Variants in RPS27L observed in about 807,000 individuals in gnomAD.
RPS27L encodes ribosomal protein eS27-like.
Under a neutral mutation model 12.8 loss-of-function variants are expected in RPS27L, and 10 were observed. That is an observed-to-expected ratio of 0.78 (90% confidence interval 0.48 to 1.33). The LOEUF (loss-of-function observed/expected upper bound fraction) is 1.33. Ranked by LOEUF, RPS27L falls within the 40% of genes most tolerant of loss-of-function variation. RPS27L has a pLI of 0.00. For synonymous variants in RPS27L, 26 were observed against 32.3 expected, an observed-to-expected ratio of 0.81 and a Z score of 0.66; for missense variants, 81 against 97.4, an observed-to-expected ratio of 0.83 and a Z score of 0.71.
rs1011549970 is a variant in RPS27L, at chr15:63,148,932, C to T, written c.*5100G>A. The stretch of plus-strand genomic sequence containing the variant: ...GGAGTGCAGTGGTACGATCTGGGCT[C>T]ACTGCAAGCTCCGCCTCCCAGGTTC... On this transcript the variant is annotated 3_prime_UTR_variant, in exon 4 of 4. Coordinates refer to ENST00000330964, the MANE Select transcript of RPS27L (RefSeq NM_015920.4). 3 of 148,138 alleles carry T rather than the reference C, an allele frequency of 2.0e-5. No individual in the cohort carries two copies. Among genetic ancestry groups the T allele is most frequent in the African/African-American group, 7.5e-5 (3 of 39,798 alleles). The allele number at this position is 148,138 out of a possible 1,614,324, so 9.2% of individuals were successfully genotyped here.
At chr15:63,156,731 C>G (rs186266376) in intron 1 of RPS27L, 7 of 611,374 alleles carry the variant, frequency 1.1e-5, no homozygotes, top group Non-Finnish European at 1.7e-5. Context: ...TAGAAAAGGG[C>G]TTTCGCACGA....
chr15:63,157,383 C>G lies in RPS27L; in HGVS notation c.6+17G>C. On this transcript the variant is annotated intron_variant, in intron 1 of 3. Transcript: ENST00000330964. ...AGAAGCCCAAAACAAACCCGGAGCC[C>G]GATGTAAACAACTCACAGGCATGTT... 6.2e-7 allele frequency: 1 copy of G among 1,613,990 alleles called. No individual in the cohort carries two copies. The highest frequency in any genetic ancestry group is 8.5e-7 in the Non-Finnish European group (1 of 1,179,898).
rs2037305008 is a variant in RPS27L at position 63,152,303 on chromosome 15, TTGTG to T, written c.*1725_*1728del. 6.6e-6 allele frequency: 1 copy of T among 152,100 alleles called. No individual in the cohort carries two copies. Among genetic ancestry groups the T allele is most frequent in the Non-Finnish European group, 1.5e-5 (1 of 68,022 alleles). The allele number at this position is 152,100 out of a possible 1,614,324, so 9.4% of individuals were successfully genotyped here. On this transcript the variant is annotated 3_prime_UTR_variant, in exon 4 of 4. Coordinates refer to ENST00000330964, the MANE Select transcript of RPS27L (RefSeq NM_015920.4). The stretch of plus-strand genomic sequence containing the variant: ...AAAAATCATCACATCACTTTTGCTC[TTGTG>T]TGTGTATAGTTTTTTTCAAATGGCT...
chr15:63,156,154 C>G (rs2141086721), intron 2 of RPS27L, among the ~76,000 whole-genome samples: 1 of 152,318 alleles, frequency 6.6e-6, no homozygotes, highest in Non-Finnish European at 1.5e-5. Flanking sequence ...TATCATGAAA[C>G]AGAAAACTCA....
chr15:63,156,768 T>A (rs1429911998), intron 1 of RPS27L: 1 of 590,376 alleles, frequency 1.7e-6, no homozygotes, highest in East Asian at 2.9e-5. Flanking sequence ...AAGGCAAACT[T>A]TGTCCTTCTT....
rs944992728 is a variant in RPS27L at position 63,151,748 on chromosome 15, G to A, written c.*2284C>T. The A allele has an allele frequency of 2.0e-5, 3 of 152,178 alleles. No homozygotes were observed. The highest frequency in any genetic ancestry group is 7.2e-5 in the African/African-American group (3 of 41,426). 9.4% of individuals were successfully genotyped at this position (152,178 alleles called of 1,614,324 possible). A position where few individuals can be genotyped will look rare whatever the true frequency, so the allele number is the denominator to read the frequency against. ...AACACTTGACACTGACGCATCTTTT[G>A]TATAAACTACTAGTTCCAGGAAGTT... On this transcript the variant is annotated 3_prime_UTR_variant, in exon 4 of 4. Transcript: ENST00000330964.
At chr15:63,156,936 A>G (rs913509780) in intron 1 of RPS27L, 2 of 372,480 alleles carry the variant, frequency 5.4e-6, no homozygotes, top group Admixed American at 9.0e-5. Context: ...CTGTGGCTCA[A>G]CAGCTGATCT....
intron 1 of RPS27L, chr15:63,156,835 A>C (rs2037335691): frequency 5.7e-6 from 3 of 528,242 alleles, no homozygotes; most frequent in Non-Finnish European, 9.8e-6. Flanking sequence ...CGAGGTGCTA[A>C]GCAAAGAAAG....
At position 63,149,370 on chromosome 15, in the gene RPS27L, T is replaced by G. The variant is rs2037285412; in HGVS notation, c.*4662A>C. ...CGAGGTCAGCAGATCGAGACCATCC[T>G]GGCTAACACGGTGAAACCCCATCTC... On this transcript the variant is annotated 3_prime_UTR_variant, in exon 4 of 4. Coordinates refer to ENST00000330964, the MANE Select transcript of RPS27L (RefSeq NM_015920.4). The G allele has an allele frequency of 6.6e-6, 1 of 152,050 alleles. No individual in the cohort carries two copies. The highest frequency in any genetic ancestry group is 2.4e-5 in the African/African-American group (1 of 41,402). 9.4% of individuals were successfully genotyped at this position (152,050 alleles called of 1,614,324 possible).
At chr15:63,155,980 T>C (rs1297630239) in intron 2 of RPS27L, among the ~76,000 whole-genome samples, 2 of 152,228 alleles carry the variant, frequency 1.3e-5, no homozygotes, top group Non-Finnish European at 2.9e-5. Flanking sequence ...TTTTTTTCTG[T>C]GCTACATCGT....
In RPS27L at chr15:63,157,436, G is replaced by A; in HGVS notation, c.-31C>T. ...TCCTCTTGCAAGCTCAGCCCTACCA[G>A]ACCTCCCAGCCCACACAGCTAGCAA... On this transcript the variant is annotated 5_prime_UTR_variant, in exon 1 of 4. Coordinates refer to ENST00000330964, the MANE Select transcript of RPS27L (RefSeq NM_015920.4). The A allele has an allele frequency of 1.9e-6, 3 of 1,613,694 alleles. No homozygotes were observed. The highest frequency in any genetic ancestry group is 2.5e-6 in the Non-Finnish European group (3 of 1,179,672).
At chr15:63,156,352 C>G in intron 2 of RPS27L, 61 bp downstream of exon 2, 1 of 845,826 alleles carries the variant, frequency 1.2e-6, no homozygotes, top group Non-Finnish European at 1.9e-6. Context: ...ACTATACACA[C>G]CACACTAGCA....
At chr15:63,155,036 C>T in intron 3 of RPS27L, 1 of 152,066 alleles carries the variant, frequency 6.6e-6, no homozygotes. Context: ...TGCCTGTAAT[C>T]CCAGCACTTT....
Position 63,157,425 on chromosome 15 carries a change from C to G in RPS27L, c.-20G>C, listed in dbSNP as rs777323943. 1.2e-6 allele frequency: 2 copies of G among 1,614,094 alleles called. No individual in the cohort carries two copies. Among genetic ancestry groups the G allele is most frequent in the South Asian group, 1.1e-5 (1 of 91,078 alleles). On this transcript the variant is annotated 5_prime_UTR_variant, in exon 1 of 4. Coordinates refer to ENST00000330964, the MANE Select transcript of RPS27L (RefSeq NM_015920.4). ...AGGCATGTTGATCCTCTTGCAAGCT[C>G]AGCCCTACCAGACCTCCCAGCCCAC...
chr15:63,156,586 G>C (rs1247169135), intron 1 of RPS27L, 65 bp from the exon 2 acceptor site: 1 of 953,430 alleles, frequency 1.0e-6, no homozygotes, highest in East Asian at 2.4e-5. Context: ...TTAACCATAC[G>C]TGAAATATAC....
At chr15:63,154,483 A>T (rs989856760) in intron 3 of RPS27L, 2 of 157,060 alleles carry the variant, frequency 1.3e-5, no homozygotes, top group Non-Finnish European at 2.8e-5. Flanking sequence ...ATCTGTCAGC[A>T]TATGGGCACT....
In RPS27L at chr15:63,151,718, G is replaced by T. The variant is rs1300082853; in HGVS notation, c.*2314C>A. 6.6e-6 allele frequency: 1 copy of T among 152,120 alleles called. No individual in the cohort carries two copies. Among genetic ancestry groups the T allele is most frequent in the African/African-American group, 2.4e-5 (1 of 41,426 alleles). 9.4% of individuals were successfully genotyped at this position (152,120 alleles called of 1,614,324 possible). A position where few individuals can be genotyped will look rare whatever the true frequency, so the allele number is the denominator to read the frequency against. ...AGCTGAAGTGCCTTGGAGTACCTCA[G>T]GAAAAACACTTGACACTGACGCATC... On this transcript the variant is annotated 3_prime_UTR_variant, in exon 4 of 4. Coordinates refer to ENST00000330964, the MANE Select transcript of RPS27L (RefSeq NM_015920.4).
chr15:63,156,744 A>G, intron 1 of RPS27L: 1 of 605,218 alleles, frequency 1.7e-6, no homozygotes, highest in Non-Finnish European at 2.9e-6. Flanking sequence ...TCGCACGATC[A>G]GGAAACATAT....
Position 63,153,895 on chromosome 15 carries a change from TAGG to T in RPS27L, c.*134_*136del, listed in dbSNP as rs1232864847. 5 of 686,366 alleles carry T rather than the reference TAGG, an allele frequency of 7.3e-6. No individual in the cohort carries two copies. Among genetic ancestry groups the T allele is most frequent in the Admixed American group, 5.5e-5 (2 of 36,170 alleles). 42.5% of individuals were successfully genotyped at this position (686,366 alleles called of 1,614,324 possible). ...CTTTATTGAAAAACTGACACCAAAA[TAGG>T]AGATTACTGCTGTATACCTTACAAA... On this transcript the variant is annotated 3_prime_UTR_variant, in exon 4 of 4. Coordinates refer to ENST00000330964, the MANE Select transcript of RPS27L (RefSeq NM_015920.4).
Sources: gnomAD v4.1 joint callset for allele counts (sites outside exome capture counted in the v4.1 genomes callset) on GRCh38, gnomAD v4.1.1 for gene constraint, MANE v1.5 for transcripts, NCBI Gene and HGNC (gene_info 2026-07-23, HGNC 2026-07-21) for gene names.